DPP10: variants seen among roughly 807,000 people sequenced by gnomAD.
The protein encoded by DPP10 is inactive dipeptidyl peptidase 10.
In DPP10, 33 loss-of-function variants were observed where a neutral mutation model predicts 120.9. That is an observed-to-expected ratio of 0.27 (90% CI 0.21 to 0.37). The LOEUF (loss-of-function observed/expected upper bound fraction) is 0.37, where lower values mean the gene tolerates loss of function less well. Among genes scored for constraint, DPP10 ranks in the 10% least tolerant of loss-of-function variants. The probability of loss-of-function intolerance (pLI) is 1.00; values close to 1 mark genes in which losing one functional copy is unlikely to be tolerated. For synonymous variants in DPP10, 337 were observed against 326.1 expected, an observed-to-expected ratio of 1.03 and a Z score of -0.36; for missense variants, 816 against 942.8, an observed-to-expected ratio of 0.87 and a Z score of 1.76.
chr2:115,754,632 G>A (rs1182529151), intron 11 of DPP10, among the ~76,000 whole-genome samples: 4 of 151,870 alleles, frequency 2.6e-5, no homozygotes, highest in African/African-American at 9.7e-5. Flanking sequence ...TTTTTAAAGG[G>A]GAAATTACAA....
chr2:114,972,254 T>C (rs1699448432), intron 1 of DPP10, among the ~76,000 whole-genome samples: 1 of 152,292 alleles, frequency 6.6e-6, no homozygotes, highest in Admixed American at 6.5e-5. Context: ...TTGAATTCAT[T>C]TGAAGTTAGG....
chr2:114,484,404 G>C (rs1404662024), intron 1 of DPP10, among the ~76,000 whole-genome samples: 1 of 152,086 alleles, frequency 6.6e-6, no homozygotes, highest in Non-Finnish European at 1.5e-5. Flanking sequence ...AATTAGGTGA[G>C]AAGTTTTGTA....
At chr2:115,005,043 C>G (rs1024199604) in intron 1 of DPP10, among the ~76,000 whole-genome samples, 1 of 152,106 alleles carries the variant, frequency 6.6e-6, no homozygotes, top group Non-Finnish European at 1.5e-5. Context: ...ACTGCCTCCT[C>G]AAGTGGGTCC....
At chr2:115,787,250 A>G (rs964258877) in intron 17 of DPP10, among the ~76,000 whole-genome samples, 4 of 152,216 alleles carry the variant, frequency 2.6e-5, no homozygotes, top group African/African-American at 9.6e-5. Flanking sequence ...AAGAAAGTAG[A>G]AAATATTACT....
intron 1 of DPP10, among the ~76,000 whole-genome samples, chr2:114,546,355 C>T (rs894355980): frequency 2.0e-5 from 3 of 152,122 alleles, no homozygotes; most frequent in African/African-American, 7.2e-5. Context: ...GACCAGATCT[C>T]ATGAGAACTC....
intron 1 of DPP10, among the ~76,000 whole-genome samples, chr2:114,547,213 G>A (rs369516101): frequency 2.7e-4 from 41 of 152,322 alleles, no homozygotes; most frequent in East Asian, 2.1e-3. Context: ...CCAATGGGAC[G>A]CTGGAGCAAG....
chr2:114,775,905 G>A (rs1164611533), intron 1 of DPP10, among the ~76,000 whole-genome samples: 1 of 152,130 alleles, frequency 6.6e-6, no homozygotes, highest in Non-Finnish European at 1.5e-5. Flanking sequence ...CACTTTGGGT[G>A]ACAGAGAGAG....
intron 1 of DPP10, among the ~76,000 whole-genome samples, chr2:114,897,791 C>A (rs1253787786): frequency 6.6e-6 from 1 of 152,178 alleles, no homozygotes; most frequent in Admixed American, 6.5e-5. Context: ...ATCAAAACCA[C>A]AATGAGATAT....
chr2:114,741,028 A>G (rs1209110504), intron 1 of DPP10, among the ~76,000 whole-genome samples: 1 of 152,206 alleles, frequency 6.6e-6, no homozygotes, highest in Non-Finnish European at 1.5e-5. Flanking sequence ...CAGGTACTTT[A>G]TATTTGTGGC....
At chr2:115,719,596 C>G (rs1274095147) in intron 7 of DPP10, among the ~76,000 whole-genome samples, 1 of 152,104 alleles carries the variant, frequency 6.6e-6, no homozygotes, top group Admixed American at 6.6e-5. Context: ...CATTATATAA[C>G]TGGACACACA....
At chr2:115,429,439 G>A (rs1319475243) in intron 3 of DPP10, among the ~76,000 whole-genome samples, 10 of 152,106 alleles carry the variant, frequency 6.6e-5, no homozygotes. Context: ...GAGTGGTAAT[G>A]AGGTTTAAAA....
intron 1 of DPP10, among the ~76,000 whole-genome samples, chr2:114,677,480 T>G (rs1273994067): frequency 6.6e-6 from 1 of 152,098 alleles, no homozygotes; most frequent in Non-Finnish European, 1.5e-5. Context: ...ATAACTAACA[T>G]TTATTGATCT....
In DPP10 at chr2:115,118,280, T is replaced by C. The variant is rs181039660; in HGVS notation, c.61-190959T>C. On this transcript the variant is annotated intron_variant, in intron 1 of 25. Transcript: ENST00000410059. ...CACTGTAGTCTGAACCAATATTATCTTTTACCTAGACCATTTATTTACTCC... is the reference window on the plus strand; with the variant it reads ...CACTGTAGTCTGAACCAATATTATCCTTTACCTAGACCATTTATTTACTCC... Among the ~76,000 whole-genome samples, 4 of 152,316 alleles carry C rather than the reference T, an allele frequency of 2.6e-5. No homozygotes were observed. In the East Asian group the frequency reaches 7.7e-4, roughly 29 times the overall value.
intron 1 of DPP10, among the ~76,000 whole-genome samples, chr2:115,179,516 C>G (rs2053935410): frequency 6.6e-6 from 1 of 152,066 alleles, no homozygotes. Context: ...ATTCACCTGT[C>G]TTAGTCTAAA....
intron 7 of DPP10, among the ~76,000 whole-genome samples, chr2:115,713,131 T>TA (rs544180327): frequency 1.0e-3 from 157 of 151,520 alleles, no homozygotes; most frequent in Non-Finnish European, 1.8e-3. Flanking sequence ...CGTTTTGATG[T>TA]AAAAAAAATT....
intron 1 of DPP10, among the ~76,000 whole-genome samples, chr2:115,164,601 T>C (rs1166332979): frequency 6.6e-6 from 1 of 152,248 alleles, no homozygotes; most frequent in East Asian, 1.9e-4. Flanking sequence ...CTAGTTTCTA[T>C]GGTGAAGATT....
chr2:115,782,881 A>G (rs1682934360), intron 17 of DPP10, among the ~76,000 whole-genome samples: 2 of 151,970 alleles, frequency 1.3e-5, no homozygotes, highest in Admixed American at 6.6e-5. Context: ...ATTCATTTGT[A>G]TATTTGTTAG....
chr2:114,452,716 A>G (rs1312058145), intron 1 of DPP10, among the ~76,000 whole-genome samples: 1 of 152,168 alleles, frequency 6.6e-6, no homozygotes, highest in African/African-American at 2.4e-5. Flanking sequence ...TTAAGAAATT[A>G]TAATTTCCCA....
intron 5 of DPP10, among the ~76,000 whole-genome samples, chr2:115,643,902 A>T (rs1285999652): frequency 6.6e-6 from 1 of 152,174 alleles, no homozygotes; most frequent in African/African-American, 2.4e-5. Flanking sequence ...ATTGTGAAAA[A>T]AATAAAGTAG....
Sources: allele counts gnomAD v4.1 joint callset (sites outside exome capture counted in the v4.1 genomes callset), GRCh38; gene constraint gnomAD v4.1.1; transcripts MANE v1.5; gene names NCBI Gene and HGNC (gene_info 2026-07-23, HGNC 2026-07-21).